Variants in NRXN3 observed in about 807,000 individuals in gnomAD.
NRXN3 encodes neurexin III.
A neutral mutation model predicts 137.6 loss-of-function variants in NRXN3; 32 were observed. The ratio of observed to expected loss-of-function variants is 0.23; its 90% CI spans 0.18 to 0.31. The LOEUF (loss-of-function observed/expected upper bound fraction) is 0.31. Among genes scored for constraint, NRXN3 ranks in the 10% least tolerant of loss-of-function variants. The pLI, the probability that NRXN3 is intolerant of heterozygous loss-of-function variation, is 1.00. For synonymous variants in NRXN3, 798 were observed against 784.5 expected, an observed-to-expected ratio of 1.02 and a Z score of -0.29; for missense variants, 1,574 against 2,062.5, an observed-to-expected ratio of 0.76 and a Z score of 4.59.
chr14:78,530,677 T>C (rs1164256210), intron 4 of NRXN3, among the ~76,000 whole-genome samples: 2 of 152,328 alleles, frequency 1.3e-5, no homozygotes, highest in South Asian at 2.1e-4. Context: ...AGCTGGGTCA[T>C]ACTATTGCCA....
chr14:78,439,081 G>T (rs997370572), intron 4 of NRXN3, among the ~76,000 whole-genome samples: 1 of 152,070 alleles, frequency 6.6e-6, no homozygotes, highest in East Asian at 1.9e-4. Flanking sequence ...TGGTTGGCAC[G>T]GGGTTGTTTG....
chr14:79,034,254 A>G (rs1415997545), intron 15 of NRXN3, among the ~76,000 whole-genome samples: 1 of 151,956 alleles, frequency 6.6e-6, no homozygotes, highest in Non-Finnish European at 1.5e-5. Flanking sequence ...TCAAAAATAG[A>G]AACTTTTTAA....
rs1170275955 is a variant in NRXN3 at position 79,172,167 on chromosome 14, T to C, written c.3262+184026T>C. 2.7e-5 allele frequency among the ~76,000 whole-genome samples: 4 copies of C among 146,826 alleles called. No homozygotes were observed. The Admixed American group carries it at 2.8e-4, about 10-fold the overall frequency. On this transcript the variant is annotated intron_variant, in intron 15 of 20. Transcript: ENST00000335750. The stretch of plus-strand genomic sequence containing the variant: ...TGAAGAACTATTTGGGGGAAATTGC[T>C]ATAAAGAAACAATAACTTGCTAGGG...
At chr14:78,298,858 C>T (rs1246175303) in intron 4 of NRXN3, among the ~76,000 whole-genome samples, 2 of 152,148 alleles carry the variant, frequency 1.3e-5, no homozygotes, top group Non-Finnish European at 2.9e-5. Context: ...TCCTGTTTTT[C>T]TTGAGCTTTT....
chr14:79,394,651 C>A (rs2094959488), intron 15 of NRXN3, among the ~76,000 whole-genome samples: 1 of 152,118 alleles, frequency 6.6e-6, no homozygotes, highest in Admixed American at 6.5e-5. Flanking sequence ...AAATCAGAAC[C>A]TTTTGAGACA....
chr14:78,263,093 G>A (rs1596499193), intron 2 of NRXN3, among the ~76,000 whole-genome samples: 1 of 151,912 alleles, frequency 6.6e-6, no homozygotes, highest in African/African-American at 2.4e-5. Context: ...TTTTGGGGAT[G>A]TGAAAAGACC....
intron 2 of NRXN3, among the ~76,000 whole-genome samples, chr14:78,252,994 G>T (rs759819743): frequency 6.6e-6 from 1 of 152,154 alleles, no homozygotes; most frequent in Non-Finnish European, 1.5e-5. Context: ...TTTCTTTCCA[G>T]ACGGGGCCCT....
intron 16 of NRXN3, among the ~76,000 whole-genome samples, chr14:79,512,927 G>A (rs1399377929): frequency 6.6e-6 from 1 of 152,190 alleles, no homozygotes; most frequent in Non-Finnish European, 1.5e-5. Flanking sequence ...GTATGTCTGT[G>A]ATGATCTAAT....
chr14:78,990,588 G>A (rs2099516861), intron 15 of NRXN3, among the ~76,000 whole-genome samples: 1 of 151,978 alleles, frequency 6.6e-6, no homozygotes, highest in Non-Finnish European at 1.5e-5. Context: ...GGCCAGGCTG[G>A]TCTTGAACTC....
intron 8 of NRXN3, among the ~76,000 whole-genome samples, chr14:78,730,172 G>A (rs914572357): frequency 4.6e-5 from 7 of 152,136 alleles, no homozygotes; most frequent in Non-Finnish European, 4.4e-5. Flanking sequence ...GTGGACAGGT[G>A]GGCAGGCATG....
chr14:78,342,295 A>G (rs575988275), intron 4 of NRXN3, among the ~76,000 whole-genome samples: 1 of 152,336 alleles, frequency 6.6e-6, no homozygotes, highest in East Asian at 1.9e-4. Context: ...GAACTTGAGA[A>G]ATACATGCCA....
intron 4 of NRXN3, among the ~76,000 whole-genome samples, chr14:78,419,599 A>T (rs578187982): frequency 1.0e-3 from 154 of 152,190 alleles, no homozygotes; most frequent in African/African-American, 3.6e-3. Context: ...TTCCCTGGGG[A>T]TACGGCTCAA....
chr14:79,597,528 A>G (rs956118813), intron 16 of NRXN3, among the ~76,000 whole-genome samples: 1 of 152,224 alleles, frequency 6.6e-6, no homozygotes, highest in African/African-American at 2.4e-5. Flanking sequence ...ATGCAGTGTT[A>G]TTAGTGAAAC....
intron 15 of NRXN3, among the ~76,000 whole-genome samples, chr14:79,382,180 A>G (rs1375036647): frequency 6.6e-6 from 1 of 152,222 alleles, no homozygotes; most frequent in Non-Finnish European, 1.5e-5. Flanking sequence ...TCCCTGGCAT[A>G]TAGCAGTCAA....
At chr14:79,838,596 T>C (rs527862693) in intron 20 of NRXN3, among the ~76,000 whole-genome samples, 3 of 152,318 alleles carry the variant, frequency 2.0e-5, no homozygotes, top group South Asian at 4.2e-4. Context: ...GGAGACCATA[T>C]TGAAAATGAC....
chr14:78,832,614 G>A (rs1276054777), intron 10 of NRXN3, among the ~76,000 whole-genome samples: 1 of 151,722 alleles, frequency 6.6e-6, no homozygotes, highest in Non-Finnish European at 1.5e-5. Context: ...AGGACAAGAG[G>A]GTTAATTAAT....
At chr14:79,680,986 AGCATCAACACAT>A (rs989875333) in intron 17 of NRXN3, among the ~76,000 whole-genome samples, 2 of 152,182 alleles carry the variant, frequency 1.3e-5, no homozygotes, top group African/African-American at 2.4e-5. Flanking sequence ...GGATCAGAGA[AGCATCAACACAT>A]GCATCAACCT....
intron 14 of NRXN3, among the ~76,000 whole-genome samples, chr14:78,970,526 G>T (rs1431642512): frequency 1.3e-5 from 2 of 151,878 alleles, no homozygotes; most frequent in African/African-American, 4.8e-5. Context: ...TGGTAGTACA[G>T]GTATACAGAA....
At chr14:78,782,952 G>T (rs758606067) in intron 8 of NRXN3, among the ~76,000 whole-genome samples, 1 of 152,146 alleles carries the variant, frequency 6.6e-6, no homozygotes, top group Non-Finnish European at 1.5e-5. Flanking sequence ...AATGTAGGAG[G>T]AAACAGGAAA....
Sources: gnomAD v4.1 joint callset for allele counts (sites outside exome capture counted in the v4.1 genomes callset) on GRCh38, gnomAD v4.1.1 for gene constraint, MANE v1.5 for transcripts, NCBI Gene and HGNC (gene_info 2026-07-23, HGNC 2026-07-21) for gene names.